Variants in VPS13B observed in about 807,000 individuals in gnomAD.
VPS13B encodes the protein vacuolar protein sorting 13 homolog B, also known as intermembrane lipid transfer protein VPS13B.
Under a neutral mutation model 426.4 loss-of-function variants are expected in VPS13B, and 285 were observed. That is an observed-to-expected ratio of 0.67 (90% CI 0.61 to 0.74). The LOEUF (loss-of-function observed/expected upper bound fraction) is 0.74, where lower values mean the gene tolerates loss of function less well. Ranked by LOEUF, VPS13B falls within the 30% of genes least tolerant of loss-of-function variation. The pLI, the probability that VPS13B is intolerant of heterozygous loss-of-function variation, is 0.00. For missense variants in VPS13B, 4,537 were observed against 4,782.6 expected, an observed-to-expected ratio of 0.95 and a Z score of 1.51; for synonymous variants, 1,676 against 1,676.4, an observed-to-expected ratio of 1.00 and a Z score of 0.01.
intron 35 of VPS13B, among the ~76,000 whole-genome samples, chr8:99,680,718 A>G (rs943289859): frequency 1.5e-4 from 23 of 152,226 alleles, no homozygotes; most frequent in Non-Finnish European, 3.1e-4. Flanking sequence ...TTAAAGTTCA[A>G]TGAGGATTAT....
chr8:99,176,270 G>T (rs948601110), intron 16 of VPS13B, among the ~76,000 whole-genome samples: 1 of 152,094 alleles, frequency 6.6e-6, no homozygotes, highest in South Asian at 2.1e-4. Context: ...GAGTAGCTGG[G>T]ATTACAGGTG....
chr8:99,319,664 C>T (rs1809868946), intron 19 of VPS13B, among the ~76,000 whole-genome samples: 2 of 152,160 alleles, frequency 1.3e-5, no homozygotes, highest in South Asian at 4.1e-4. Flanking sequence ...TGTGGTGCAA[C>T]TTTCATATAG....
At chr8:99,421,182 G>A (rs942387757) in intron 21 of VPS13B, among the ~76,000 whole-genome samples, 11 of 152,054 alleles carry the variant, frequency 7.2e-5, no homozygotes, top group African/African-American at 2.7e-4. Flanking sequence ...AGAAATGAAG[G>A]AATCATATTG....
intron 33 of VPS13B, 173 bp downstream of exon 33, chr8:99,577,806 T>A (rs1825847725): frequency 2.1e-6 from 2 of 969,534 alleles, no homozygotes; most frequent in Admixed American, 4.7e-5. Context: ...TAGAAATTTG[T>A]TTGGTCTCTA....
intron 25 of VPS13B, among the ~76,000 whole-genome samples, chr8:99,494,995 C>G (rs1820811703): frequency 6.6e-6 from 1 of 151,624 alleles, no homozygotes; most frequent in African/African-American, 2.4e-5. Context: ...TAAAATGATT[C>G]AGACTGGGAG....
At chr8:99,513,498 CT>C (rs1821902476) in intron 29 of VPS13B, among the ~76,000 whole-genome samples, 1 of 152,024 alleles carries the variant, frequency 6.6e-6, no homozygotes, top group African/African-American at 2.4e-5. Context: ...AGTAAAGCAA[CT>C]TATCTAATTG....
chr8:99,030,930 AT>A (rs1220799447), intron 2 of VPS13B, among the ~76,000 whole-genome samples: 1 of 152,170 alleles, frequency 6.6e-6, no homozygotes, highest in Non-Finnish European at 1.5e-5. Flanking sequence ...ACCTACATCT[AT>A]TTCAGTATTT....
chr8:99,141,880 TAA>T (rs371079413), intron 12 of VPS13B, among the ~76,000 whole-genome samples: 8,690 of 109,848 alleles, frequency 0.079, 350 homozygotes, highest in South Asian at 0.13. Flanking sequence ...CTGTCTCTAC[TAA>T]AAAAAAAAAA....
At chr8:99,081,120 C>T (rs1300696879) in intron 3 of VPS13B, among the ~76,000 whole-genome samples, 2 of 152,206 alleles carry the variant, frequency 1.3e-5, no homozygotes, top group Non-Finnish European at 2.9e-5. Flanking sequence ...CTGCCTCCTT[C>T]AAAATTGGGG....
At chr8:99,045,286 G>A (rs1843175566) in intron 3 of VPS13B, among the ~76,000 whole-genome samples, 1 of 152,064 alleles carries the variant, frequency 6.6e-6, no homozygotes, top group Non-Finnish European at 1.5e-5. Flanking sequence ...GTTTTGATTT[G>A]CGTTTCCCTG....
chr8:99,532,945 T>A (rs12675909), intron 30 of VPS13B, among the ~76,000 whole-genome samples: 1 of 143,158 alleles, frequency 7.0e-6, no homozygotes, highest in Non-Finnish European at 1.6e-5. Flanking sequence ...GGGGTGTTTT[T>A]TTTTTTTTTT....
chr8:99,750,022 C>T (rs144785252), intron 39 of VPS13B, among the ~76,000 whole-genome samples: 1 of 152,234 alleles, frequency 6.6e-6, no homozygotes, highest in East Asian at 1.9e-4. Context: ...TACATCTTAA[C>T]ATCTTATCTA....
chr8:99,166,721 A>G (rs937684557), intron 15 of VPS13B, among the ~76,000 whole-genome samples: 3 of 152,198 alleles, frequency 2.0e-5, no homozygotes, highest in African/African-American at 7.2e-5. Flanking sequence ...TCATCCTAAA[A>G]TTCATATGGA....
intron 40 of VPS13B, among the ~76,000 whole-genome samples, chr8:99,775,215 C>T (rs1297105002): frequency 6.6e-6 from 1 of 152,138 alleles, no homozygotes; most frequent in African/African-American, 2.4e-5. Context: ...TTGAGTATCA[C>T]CAGTTAGACT....
rs141974883 is a variant in VPS13B, at chr8:99,408,133, C to T, written c.3082+16429C>T. ...TGTAGGGACTTACAAATCATTGTAA[C>T]GACTTTGACTAATAAAAGTGAGCAA... is the stretch of plus-strand genomic sequence containing the variant. On this transcript the variant is annotated intron_variant, in intron 21 of 61. Transcript: ENST00000357162. Among the ~76,000 whole-genome samples, 20 of 152,192 alleles carry T rather than the reference C, an allele frequency of 1.3e-4. No individual in the cohort carries two copies. In the East Asian group the frequency reaches 3.1e-3, roughly 24 times the overall value.
intron 19 of VPS13B, among the ~76,000 whole-genome samples, chr8:99,284,833 T>TTA (rs1485961846): frequency 1.3e-5 from 2 of 152,186 alleles, no homozygotes; most frequent in Non-Finnish European, 2.9e-5. Context: ...AGTGCTGGGC[T>TTA]TATAGGCGTG....
In VPS13B at chr8:99,876,766, CTGAT is replaced by C. The variant is rs543048641; in HGVS notation, c.*1105_*1108del. The C allele has an allele frequency of 1.3e-5, 2 of 152,166 alleles. No individual in the cohort carries two copies. Among genetic ancestry groups the C allele is most frequent in the Admixed American group, 6.5e-5 (1 of 15,278 alleles). 9.4% of individuals were successfully genotyped at this position (152,166 alleles called of 1,614,324 possible). A position where few individuals can be genotyped will look rare whatever the true frequency, so the allele number is the denominator to read the frequency against. On this transcript the variant is annotated 3_prime_UTR_variant, in exon 62 of 62. Coordinates refer to ENST00000357162, the MANE Select transcript of VPS13B (RefSeq NM_152564.5). ...AGTCCAGTAGCTTAGAGCATGTTTGCTGATTGATATTACATTTAAACTTGGGGCT... is the reference window on the plus strand; with the variant it reads ...AGTCCAGTAGCTTAGAGCATGTTTGCTGATATTACATTTAAACTTGGGGCT...
intron 19 of VPS13B, among the ~76,000 whole-genome samples, chr8:99,323,096 C>T (rs1050201738): frequency 6.6e-6 from 1 of 152,196 alleles, no homozygotes; most frequent in African/African-American, 2.4e-5. Context: ...TTGGCCAGTT[C>T]GTACTCTTTC....
chr8:99,749,420 C>T (rs1810279933), intron 39 of VPS13B, among the ~76,000 whole-genome samples: 1 of 151,976 alleles, frequency 6.6e-6, no homozygotes. Context: ...GGTAACCTTC[C>T]TTCTATTCTT....
Sources: allele counts gnomAD v4.1 joint callset (sites outside exome capture counted in the v4.1 genomes callset), GRCh38; gene constraint gnomAD v4.1.1; transcripts MANE v1.5; gene names NCBI Gene and HGNC (gene_info 2026-07-23, HGNC 2026-07-21).